GSE1: variants seen among roughly 807,000 people sequenced by gnomAD.
GSE1 encodes genetic suppressor element 1.
GSE1 carries 32 observed loss-of-function variants against 112.6 expected under a neutral mutation model. The ratio of observed to expected loss-of-function variants is 0.28; its 90% CI spans 0.21 to 0.38. The LOEUF is 0.38. Ranked by LOEUF, GSE1 falls within the 10% of genes least tolerant of loss-of-function variation. The probability of loss-of-function intolerance (pLI) is 1.00; values close to 1 mark genes in which losing one functional copy is unlikely to be tolerated. For missense variants in GSE1, 2,348 were observed against 1,699.2 expected, an observed-to-expected ratio of 1.38 and a Z score of -6.71; for synonymous variants, 1,115 against 735.6, an observed-to-expected ratio of 1.52 and a Z score of -8.35.
At chr16:85,227,479 G>A (rs527661747) in intron 1 of GSE1, among the ~76,000 whole-genome samples, 1 of 152,238 alleles carries the variant, frequency 6.6e-6, no homozygotes, top group Non-Finnish European at 1.5e-5. Flanking sequence ...GACTGGGTGG[G>A]TGAGAGATAA....
In GSE1 at chr16:85,639,437, A is replaced by T. The variant is rs1341650533; in HGVS notation, c.226+5305A>T. On this transcript the variant is annotated intron_variant, in intron 2 of 15. Coordinates refer to ENST00000253458, the MANE Select transcript of GSE1 (RefSeq NM_014615.5). The stretch of plus-strand genomic sequence containing the variant: ...TCCCAAGACTGGGGGGATGGGTCCC[A>T]GCCCTGTGTCCCACCCCCTGCGCTG... 3.3e-5 allele frequency among the ~76,000 whole-genome samples: 5 copies of T among 152,204 alleles called. No individual in the cohort carries two copies. In the East Asian group the frequency reaches 5.8e-4, roughly 18 times the overall value.
intron 1 of GSE1, among the ~76,000 whole-genome samples, chr16:85,194,741 T>C (rs1425918845): frequency 6.6e-6 from 1 of 152,218 alleles, no homozygotes; most frequent in Non-Finnish European, 1.5e-5. Flanking sequence ...ACTTCTGTTC[T>C]GTGCAGTGTG....
chr16:85,669,005 AC>A (rs1226395895), intron 14 of GSE1, among the ~76,000 whole-genome samples: 1 of 152,136 alleles, frequency 6.6e-6, no homozygotes, highest in Non-Finnish European at 1.5e-5. Context: ...GCACACACCA[AC>A]CCTCCTGGGA....
At chr16:85,196,785 C>CG (rs968355903) in intron 1 of GSE1, among the ~76,000 whole-genome samples, 20 of 152,022 alleles carry the variant, frequency 1.3e-4, no homozygotes, top group East Asian at 3.9e-4. Flanking sequence ...TTAGACGGGG[C>CG]GGGGGGGCCT....
At chr16:85,257,077 A>G (rs566477778) in intron 1 of GSE1, among the ~76,000 whole-genome samples, 11 of 152,246 alleles carry the variant, frequency 7.2e-5, no homozygotes, top group Admixed American at 2.0e-4. Flanking sequence ...GGTGGATTAT[A>G]CTTGCTGTAT....
chr16:85,605,864 C>T (rs1030326824), intron 1 of GSE1, among the ~76,000 whole-genome samples: 8 of 151,430 alleles, frequency 5.3e-5, no homozygotes, highest in East Asian at 3.8e-4. Context: ...GGCTCATGGG[C>T]GGCCCAGGAG....
At chr16:85,664,915 G>C (rs1477249061) in intron 11 of GSE1, 100 bp from the exon 12 acceptor site, 3 of 791,952 alleles carry the variant, frequency 3.8e-6, no homozygotes, top group South Asian at 3.1e-5. Flanking sequence ...TCGGGCTTTA[G>C]TGCTTTGCCT....
At chr16:85,475,050 C>T (rs1340167676) in intron 2 of GSE1, among the ~76,000 whole-genome samples, 1 of 152,108 alleles carries the variant, frequency 6.6e-6, no homozygotes, top group Non-Finnish European at 1.5e-5. Context: ...CTAATGTGGC[C>T]CAGGGACGAT....
chr16:85,228,337 A>C (rs1212539080), intron 1 of GSE1, among the ~76,000 whole-genome samples: 1 of 152,194 alleles, frequency 6.6e-6, no homozygotes. Flanking sequence ...GAGGTTGTCC[A>C]CACTGCTTGT....
exon 1 of GSE1, chr16:85,170,019 G>A: frequency 1.0e-6 from 1 of 984,658 alleles, no homozygotes; most frequent in Non-Finnish European, 1.2e-6. Context: ...GCGGGGCCGC[G>A]GAGGAGACGC....
chr16:85,625,836 G>A (rs1368314319), intron 1 of GSE1, among the ~76,000 whole-genome samples: 3 of 152,180 alleles, frequency 2.0e-5, no homozygotes, highest in Non-Finnish European at 4.4e-5. Context: ...GGCCCTGGAG[G>A]GCAGCGTCTG....
At chr16:85,396,677 C>G (rs1183465135) in intron 2 of GSE1, among the ~76,000 whole-genome samples, 3 of 152,224 alleles carry the variant, frequency 2.0e-5, no homozygotes, top group Non-Finnish European at 4.4e-5. Flanking sequence ...TCTCAGGACC[C>G]CACAACGGGG....
intron 1 of GSE1, among the ~76,000 whole-genome samples, chr16:85,302,352 A>G (rs2045550997): frequency 6.6e-6 from 1 of 152,032 alleles, no homozygotes; most frequent in African/African-American, 2.4e-5. Context: ...GCAGAATTCA[A>G]TGAATTCGTC....
chr16:85,353,417 T>C (rs2046889683), intron 1 of GSE1, among the ~76,000 whole-genome samples: 1 of 152,242 alleles, frequency 6.6e-6, no homozygotes, highest in Non-Finnish European at 1.5e-5. Flanking sequence ...GACCGTTTGA[T>C]GGACTGCCAG....
chr16:85,610,734 G>A (rs1272434269), upstream of GSE1, among the ~76,000 whole-genome samples: 2 of 152,218 alleles, frequency 1.3e-5, no homozygotes, highest in Non-Finnish European at 2.9e-5. Flanking sequence ...TAGGCCTACT[G>A]GGTTGGGAAG....
At chr16:85,623,900 C>G (rs779408094) in intron 1 of GSE1, among the ~76,000 whole-genome samples, 9 of 152,190 alleles carry the variant, frequency 5.9e-5, no homozygotes, top group African/African-American at 1.2e-4. Flanking sequence ...GGCCTGGTCC[C>G]TGTTCTTGGC....
At chr16:85,606,971 AT>A (rs1355914163), upstream of GSE1, among the ~76,000 whole-genome samples, 1 of 151,638 alleles carries the variant, frequency 6.6e-6, no homozygotes, top group Non-Finnish European at 1.5e-5. Context: ...TATTTCTTTT[AT>A]AGATGCCAGC....
At chr16:85,556,331 T>G in exon 1 of GSE1, 2 of 984,874 alleles carry the variant, frequency 2.0e-6, no homozygotes, top group Non-Finnish European at 2.4e-6. Context: ...TGAACCATGT[T>G]TGGATTGAAG....
chr16:85,516,457 C>CAAAA (rs71151299), intron 2 of GSE1, among the ~76,000 whole-genome samples: 57 of 68,102 alleles, frequency 8.4e-4, no homozygotes, highest in African/African-American at 1.3e-3. Flanking sequence ...CCCATCTCTA[C>CAAAA]AAAAAAAAAA....
Sources: allele counts gnomAD v4.1 joint callset (sites outside exome capture counted in the v4.1 genomes callset), GRCh38; gene constraint gnomAD v4.1.1; transcripts MANE v1.5; gene names NCBI Gene and HGNC (gene_info 2026-07-23, HGNC 2026-07-21).